Variants in UGT2A2 observed in about 807,000 individuals in gnomAD.
UGT2A2 encodes the protein UDP glucuronosyltransferase family 2 member A2.
In UGT2A2, 60 loss-of-function variants were observed where a neutral mutation model predicts 50.7. The observed-to-expected ratio is 1.18, with a 90% CI of 0.96 to 1.47. UGT2A2 has a LOEUF of 1.47. UGT2A2 is among the 40% of genes most tolerant of loss of function. UGT2A2 has a pLI of 0.00. For synonymous variants in UGT2A2, 242 were observed against 214.6 expected (o/e 1.13, Z -1.11); for missense variants, 762 against 634.0 (o/e 1.20, Z -2.17).
intron 1 of UGT2A2, among the ~76,000 whole-genome samples, chr4:69,634,897 C>A (rs1721589825): frequency 6.6e-6 from 1 of 151,994 alleles, no homozygotes; most frequent in Non-Finnish European, 1.5e-5. Flanking sequence ...TTATATTGTG[C>A]TGGAGTGTCT....
chr4:69,601,385 G>GC (rs1371944690), intron 1 of UGT2A2, among the ~76,000 whole-genome samples: 1 of 151,888 alleles, frequency 6.6e-6, no homozygotes, highest in Non-Finnish European at 1.5e-5. Flanking sequence ...GCCCTTCCCC[G>GC]CCCCCCGGAG....
intron 5 of UGT2A2, among the ~76,000 whole-genome samples, chr4:69,592,328 A>T (rs1426901552): frequency 6.6e-6 from 1 of 152,202 alleles, no homozygotes; most frequent in African/African-American, 2.4e-5. Context: ...ACACAAATTC[A>T]GAGCAAACAC....
chr4:69,613,577 C>T (rs1044499931), intron 1 of UGT2A2, among the ~76,000 whole-genome samples: 4 of 151,900 alleles, frequency 2.6e-5, no homozygotes, highest in Admixed American at 2.6e-4. Flanking sequence ...AACATCTTAA[C>T]AAAAATTTAG....
chr4:69,591,898 C>A (rs560343237), intron 5 of UGT2A2, among the ~76,000 whole-genome samples: 2 of 152,222 alleles, frequency 1.3e-5, no homozygotes, highest in East Asian at 3.9e-4. Context: ...TCATACTGAG[C>A]CTTGCTGAAG....
rs1560467626 is a variant in UGT2A2, at chr4:69,595,668, TA to T, written c.1024-420del. ...GAATAGAAATGCAAAATTGTAGAGA[TA>T]AAAATTAAGGTTAATTGAATAACAT... On this transcript the variant is annotated intron_variant, in intron 3 of 5. Transcript: ENST00000604629. Among the ~76,000 whole-genome samples the T allele has an allele frequency of 5.9e-5, 9 of 152,260 alleles. No homozygotes were observed. The South Asian group carries it at 1.9e-3, about 32-fold the overall frequency.
chr4:69,638,766 T>G, intron 1 of UGT2A2, 133 bp downstream of exon 1: 1 of 1,141,048 alleles, frequency 8.8e-7, no homozygotes, highest in South Asian at 2.0e-5. Context: ...ATCAGGGAAT[T>G]GTTTGTACAG....
chr4:69,603,024 G>C (rs972178568), intron 1 of UGT2A2, among the ~76,000 whole-genome samples: 2 of 134,422 alleles, frequency 1.5e-5, no homozygotes, highest in Non-Finnish European at 3.1e-5. Flanking sequence ...CCAAGATCAC[G>C]CCACTGCAAT....
At chr4:69,591,080 G>C (rs1221280798) in intron 5 of UGT2A2, among the ~76,000 whole-genome samples, 4 of 152,076 alleles carry the variant, frequency 2.6e-5, no homozygotes, top group Non-Finnish European at 5.9e-5. Flanking sequence ...CATTTATTTA[G>C]AAATTTCTAA....
At chr4:69,607,915 A>G (rs1048802653) in intron 1 of UGT2A2, among the ~76,000 whole-genome samples, 3 of 152,168 alleles carry the variant, frequency 2.0e-5, no homozygotes, top group African/African-American at 7.2e-5. Context: ...AAAAGTCAGG[A>G]AACAACAGGT....
intron 1 of UGT2A2, among the ~76,000 whole-genome samples, chr4:69,613,253 T>C (rs6848997): frequency 0.18 from 27,597 of 151,828 alleles, 2,847 homozygotes; most frequent in Non-Finnish European, 0.24. Flanking sequence ...AACAGATACC[T>C]AGACATATAT....
At chr4:69,625,705 TAAATTTAAAATTTACATA>T (rs1721017323) in intron 1 of UGT2A2, among the ~76,000 whole-genome samples, 1 of 151,472 alleles carries the variant, frequency 6.6e-6, no homozygotes, top group African/African-American at 2.4e-5. Context: ...AGCACTTATG[TAAATTTAAAATTTACATA>T]CAGAAATACA....
intron 1 of UGT2A2, among the ~76,000 whole-genome samples, chr4:69,606,183 T>C (rs904580184): frequency 7.3e-6 from 1 of 136,428 alleles, no homozygotes; most frequent in Non-Finnish European, 1.6e-5. Flanking sequence ...AATAAAATAC[T>C]GGCAAACCAA....
intron 5 of UGT2A2, among the ~76,000 whole-genome samples, chr4:69,591,581 A>G (rs1219485284): frequency 6.6e-6 from 1 of 152,160 alleles, no homozygotes; most frequent in Admixed American, 6.5e-5. Context: ...CTAATGCCAG[A>G]GAGGTATACT....
At chr4:69,629,497 AC>A (rs1721268163) in intron 1 of UGT2A2, among the ~76,000 whole-genome samples, 1 of 152,014 alleles carries the variant, frequency 6.6e-6, no homozygotes, top group Non-Finnish European at 1.5e-5. Context: ...AATGTGATTT[AC>A]CATGATCACC....
rs761080370 is a variant in UGT2A2 at position 69,599,257 on chromosome 4, G to T, written c.880C>A (p.Pro294Thr). ...VGGLHCKPAK[P>T]LPKEMEEFIQ... ...TGTTGTAGACCTACCTTAGGTAAAG[G>T]TTTGGCAGGTTTGCAGTGCAATCCT... Residue 294 changes from proline (P) to threonine (T), a missense_variant, in exon 2 of 6, where the codon CCT (proline) becomes ACT (threonine). Coordinates refer to ENST00000604629, the MANE Select transcript of UGT2A2 (RefSeq NM_001105677.2). The T allele has an allele frequency of 5.6e-6, 9 of 1,613,378 alleles. No individual in the cohort carries two copies. Among genetic ancestry groups the T allele is most frequent in the South Asian group, 3.3e-5 (3 of 90,976 alleles).
Position 69,593,774 on chromosome 4 carries a change from A to G in UGT2A2, c.1331+703T>C, listed in dbSNP as rs192527007. Among the ~76,000 whole-genome samples the G allele has an allele frequency of 7.9e-5, 12 of 151,880 alleles. No individual in the cohort carries two copies. In the East Asian group the frequency reaches 2.3e-3, roughly 29 times the overall value. ...TAAAGGTATCGAATGGTATATACTC[A>G]GTGTGAATAGTTATTTCTGAATGCT... On this transcript the variant is annotated intron_variant, in intron 5 of 5. Transcript: ENST00000604629.
intron 4 of UGT2A2, 92 bp from the exon 5 acceptor site, chr4:69,594,788 C>A: frequency 7.0e-7 from 1 of 1,420,660 alleles, no homozygotes; most frequent in South Asian, 1.4e-5. Context: ...TGTAATGTAA[C>A]TCTCTAAAGA....
intron 1 of UGT2A2, among the ~76,000 whole-genome samples, chr4:69,618,207 G>GTA (rs1260210138): frequency 0.015 from 1,057 of 72,674 alleles, 2 homozygotes; most frequent in African/African-American, 0.017. Flanking sequence ...GTGTGTGTGT[G>GTA]TGTGTGTGTA....
chr4:69,620,721 A>G (rs1160447911), intron 1 of UGT2A2, among the ~76,000 whole-genome samples: 2 of 151,814 alleles, frequency 1.3e-5, no homozygotes. Flanking sequence ...TGGAGTCATC[A>G]CACAATCCAA....
Sources: gnomAD v4.1 joint callset for allele counts (sites outside exome capture counted in the v4.1 genomes callset) on GRCh38, gnomAD v4.1.1 for gene constraint, MANE v1.5 for transcripts, NCBI Gene and HGNC (gene_info 2026-07-23, HGNC 2026-07-21) for gene names.